The following ANKH variants were observed in gnomAD, a reference collection of about 807,000 sequenced individuals.
ANKH encodes ANKH inorganic pyrophosphate transport regulator.
ANKH carries 15 observed loss-of-function variants against 49.0 expected under a neutral mutation model. The observed-to-expected ratio is 0.31, with a 90% confidence interval of 0.20 to 0.47. The LOEUF (loss-of-function observed/expected upper bound fraction) is 0.47. ANKH is among the 20% of genes least tolerant of loss of function. ANKH has a pLI of 1.00. For missense variants in ANKH, 429 were observed against 652.0 expected (o/e 0.66, Z 3.72); for synonymous variants, 273 against 260.0 (o/e 1.05, Z -0.48).
intron 1 of ANKH, among the ~76,000 whole-genome samples, chr5:14,794,969 G>A (rs147790411): frequency 1.3e-5 from 2 of 152,376 alleles, no homozygotes; most frequent in Admixed American, 1.3e-4. Context: ...GATAATGGAA[G>A]TAGGAGGAGG....
rs1489787197 is a variant in ANKH, at chr5:14,709,439, C to T, written c.*1758G>A. The T allele has an allele frequency of 2.0e-5, 3 of 152,118 alleles. No homozygotes were observed. The highest frequency in any genetic ancestry group is 1.3e-4 in the Admixed American group (2 of 15,278). The allele number at this position is 152,118 out of a possible 1,614,324, so 9.4% of individuals were successfully genotyped here. Reference sequence around the variant, plus strand: ...TGAGGAAGCACGCCAAGGACATGTCCCCACGTGGGCACACCCCATCAGCAC... The same window carrying T: ...TGAGGAAGCACGCCAAGGACATGTCTCCACGTGGGCACACCCCATCAGCAC... On this transcript the variant is annotated 3_prime_UTR_variant, in exon 12 of 12. Coordinates refer to ENST00000284268, the MANE Select transcript of ANKH (RefSeq NM_054027.6).
intron 8 of ANKH, among the ~76,000 whole-genome samples, chr5:14,727,723 G>A (rs529012182): frequency 1.2e-3 from 189 of 152,002 alleles, no homozygotes; most frequent in African/African-American, 4.4e-3. Context: ...GGGGGAAGGG[G>A]ACATGAGGAG....
chr5:14,847,865 A>G (rs923100988), intron 1 of ANKH, among the ~76,000 whole-genome samples: 1 of 152,226 alleles, frequency 6.6e-6, no homozygotes, highest in Non-Finnish European at 1.5e-5. Context: ...ACTCTGGGCC[A>G]GGTGCAGTGG....
rs145363910 is a variant in ANKH at position 14,713,582 on chromosome 5, G to A, written c.1227C>T (p.Ile409=). 6.8e-6 allele frequency: 11 copies of A among 1,614,070 alleles called. No homozygotes were observed. The East Asian group carries it at 8.9e-5, about 13-fold the overall frequency. The change falls in exon 10 of 12, where the codon ATC becomes ATT. Residue 409 remains isoleucine (I), a synonymous_variant. Transcript: ENST00000284268. The surrounding 1 kb of genome is among the most constrained non-coding windows in gnomAD (Gnocchi z 4.4). ...GGACCACGAGGCTGGCGATGAGGAC[G>A]ATGATCCGCAGCACAGAGCTGGGGG... is the stretch of plus-strand genomic sequence containing the variant. ...VLAPSSVLRI[I]VLIASLVVLP...
At chr5:14,834,651 C>T (rs1741603493) in intron 1 of ANKH, among the ~76,000 whole-genome samples, 1 of 152,002 alleles carries the variant, frequency 6.6e-6, no homozygotes, top group African/African-American at 2.4e-5. Flanking sequence ...TGTGGTGGTA[C>T]ACACCTGTAA....
At chr5:14,786,526 T>A (rs1433663325) in intron 1 of ANKH, among the ~76,000 whole-genome samples, 1 of 152,132 alleles carries the variant, frequency 6.6e-6, no homozygotes, top group Non-Finnish European at 1.5e-5. Context: ...AGCAGATATT[T>A]AACTACAGAG....
At position 14,711,146 on chromosome 5, in the gene ANKH, G is replaced by T; in HGVS notation, c.*51C>A. ...GATGGGAGAGGGAAGAGATGATGCC[G>T]AAGTGTCATCCTGACTGACTGTCCC... On this transcript the variant is annotated 3_prime_UTR_variant, in exon 12 of 12. Transcript: ENST00000284268. The T allele has an allele frequency of 1.4e-6, 2 of 1,434,994 alleles. No individual in the cohort carries two copies. Among genetic ancestry groups the T allele is most frequent in the African/African-American group, 1.4e-5 (1 of 71,428 alleles). 88.9% of individuals were successfully genotyped at this position (1,434,994 alleles called of 1,614,324 possible). A position where few individuals can be genotyped will look rare whatever the true frequency, so the allele number is the denominator to read the frequency against.
chr5:14,807,113 C>CTTTTTTTT (rs35180875), intron 1 of ANKH, among the ~76,000 whole-genome samples: 2 of 127,720 alleles, frequency 1.6e-5, no homozygotes, highest in African/African-American at 2.9e-5. Context: ...CATGATATTT[C>CTTTTTTTT]TTTTTTTTTT....
intron 2 of ANKH, among the ~76,000 whole-genome samples, chr5:14,767,486 G>T (rs191367732): frequency 4.6e-5 from 7 of 152,132 alleles, no homozygotes; most frequent in African/African-American, 1.7e-4. Context: ...AACCATTTTG[G>T]TTTAAATTTA....
chr5:14,848,167 C>G (rs746487873), intron 1 of ANKH, among the ~76,000 whole-genome samples: 33 of 152,094 alleles, frequency 2.2e-4, no homozygotes, highest in Non-Finnish European at 4.4e-4. Context: ...TTTCCTAGGC[C>G]GACTAAGAAT....
chr5:14,754,181 G>A (rs551120444), intron 4 of ANKH, among the ~76,000 whole-genome samples: 1 of 152,350 alleles, frequency 6.6e-6, no homozygotes, highest in Non-Finnish European at 1.5e-5. Flanking sequence ...TTCTAAACTT[G>A]CAGGCCTTCC....
intron 1 of ANKH, among the ~76,000 whole-genome samples, chr5:14,789,319 C>T (rs976978373): frequency 1.9e-4 from 29 of 152,088 alleles, no homozygotes; most frequent in Non-Finnish European, 5.9e-5. Flanking sequence ...ATGTTAGAAT[C>T]GTTTTACAAA....
At chr5:14,819,666 G>C (rs1266345675) in intron 1 of ANKH, among the ~76,000 whole-genome samples, 1 of 152,046 alleles carries the variant, frequency 6.6e-6, no homozygotes, top group Non-Finnish European at 1.5e-5. Flanking sequence ...AGGAATTCAA[G>C]ACCAGCCTGG....
chr5:14,719,211 C>A (rs906150264), intron 8 of ANKH, among the ~76,000 whole-genome samples: 6 of 152,210 alleles, frequency 3.9e-5, no homozygotes, highest in Non-Finnish European at 7.3e-5. Context: ...AGACAAGGAG[C>A]AATAAGTTTT....
chr5:14,768,815 C>G (rs563546474), intron 2 of ANKH, 160 bp downstream of exon 2: 1 of 776,350 alleles, frequency 1.3e-6, no homozygotes, highest in South Asian at 1.6e-5. Flanking sequence ...TTGTCTTAAG[C>G]TAGGAGCACA....
chr5:14,758,736 A>C, intron 2 of ANKH, 138 bp from the exon 3 acceptor site: 1 of 703,448 alleles, frequency 1.4e-6, no homozygotes, highest in East Asian at 2.7e-5. Flanking sequence ...AATAGAAAAA[A>C]ATCATCTACA....
At chr5:14,728,995 G>A (rs1737909283) in intron 8 of ANKH, among the ~76,000 whole-genome samples, 1 of 152,140 alleles carries the variant, frequency 6.6e-6, no homozygotes, top group Admixed American at 6.5e-5. Context: ...GGGAGTGGAG[G>A]AGCCCATCCT....
At chr5:14,794,485 T>C (rs1008320009) in intron 1 of ANKH, among the ~76,000 whole-genome samples, 2 of 152,256 alleles carry the variant, frequency 1.3e-5, no homozygotes, top group African/African-American at 4.8e-5. Flanking sequence ...CTCTCCTATC[T>C]TCTTTCGTAT....
Position 14,751,832 on chromosome 5 carries a change from G to A in ANKH, c.517-593C>T, listed in dbSNP as rs117376367. ...ATTTATGCCAAGGTGGCATTTCAAAGTACTTTGCATGGAATCTATTTACTC... is the reference window on the plus strand; with the variant it reads ...ATTTATGCCAAGGTGGCATTTCAAAATACTTTGCATGGAATCTATTTACTC... On this transcript the variant is annotated intron_variant, in intron 4 of 11. Transcript: ENST00000284268. Among the ~76,000 whole-genome samples the A allele has an allele frequency of 1.1e-3, 167 of 152,218 alleles. 3 individuals are homozygous for A. The East Asian group carries it at 0.029, about 26-fold the overall frequency.
Sources: allele counts gnomAD v4.1 joint callset (sites outside exome capture counted in the v4.1 genomes callset), GRCh38; gene constraint gnomAD v4.1.1; non-coding constraint Gnocchi (gnomAD v3.1); transcripts MANE v1.5; gene names NCBI Gene and HGNC (gene_info 2026-07-23, HGNC 2026-07-21).